The following PANK1 variants were observed in gnomAD, a reference collection of about 807,000 sequenced individuals.
PANK1 encodes the protein pantothenic acid kinase 1.
PANK1 carries 18 observed loss-of-function variants against 40.1 expected under a neutral mutation model. The ratio of observed to expected loss-of-function variants is 0.45; its 90% CI spans 0.31 to 0.67. The LOEUF is 0.67. Among genes scored for constraint, PANK1 ranks in the 30% least tolerant of loss-of-function variants. PANK1 has a pLI of 0.06. For synonymous variants in PANK1, 242 were observed against 237.7 expected, an observed-to-expected ratio of 1.02 and a Z score of -0.17; for missense variants, 457 against 599.6, an observed-to-expected ratio of 0.76 and a Z score of 2.48.
At chr10:89,586,848 G>T (rs1364194489) in intron 6 of PANK1, among the ~76,000 whole-genome samples, 1 of 152,092 alleles carries the variant, frequency 6.6e-6, no homozygotes, top group African/African-American at 2.4e-5. Context: ...CCAAGTAAGG[G>T]GGCCGGGGTG....
intron 2 of PANK1, among the ~76,000 whole-genome samples, chr10:89,610,207 T>C (rs929529583): frequency 3.3e-5 from 5 of 151,990 alleles, no homozygotes; most frequent in African/African-American, 9.7e-5. Flanking sequence ...TCTTTGCAGA[T>C]GACAAAATGA....
At position 89,612,057 on chromosome 10, in the gene PANK1, C is replaced by G. The variant is rs770781759; in HGVS notation, c.293-9G>C. 3.1e-6 allele frequency: 5 copies of G among 1,606,298 alleles called. No individual in the cohort carries two copies. The South Asian group carries it at 5.5e-5, about 18-fold the overall frequency. On this transcript the variant is annotated splice_polypyrimidine_tract_variant and intron_variant, in intron 1 of 6. Transcript: ENST00000307534. Reference sequence around the variant, plus strand: ...GCCAAACCATGGGAATGCTAAAGGACAGAAAGAAAGAGTGCTGCTGAATGC... The same window carrying G: ...GCCAAACCATGGGAATGCTAAAGGAGAGAAAGAAAGAGTGCTGCTGAATGC...
At position 89,618,005 on chromosome 10, in the gene PANK1, A is replaced by G. The variant is rs571497768; in HGVS notation, c.293-5957T>C. Among the ~76,000 whole-genome samples the G allele has an allele frequency of 2.3e-4, 35 of 152,340 alleles. 1 individual carries two copies. The South Asian group carries it at 7.0e-3, about 31-fold the overall frequency. On this transcript the variant is annotated intron_variant, in intron 1 of 6. Transcript: ENST00000307534. Reference sequence around the variant, plus strand: ...AGGCTGTTCAGGCTCCAACGCAGGCATATTCTCAGTGTTCACTTTAGATGC... The same window carrying G: ...AGGCTGTTCAGGCTCCAACGCAGGCGTATTCTCAGTGTTCACTTTAGATGC...
chr10:89,600,379 G>A lies in PANK1; in HGVS notation c.646-874C>T, dbSNP rs756342035. 3.9e-5 allele frequency among the ~76,000 whole-genome samples: 6 copies of A among 152,216 alleles called. No homozygotes were observed. In the East Asian group the frequency reaches 1.2e-3, roughly 29 times the overall value. On this transcript the variant is annotated intron_variant, in intron 2 of 6. Coordinates refer to ENST00000307534, the MANE Select transcript of PANK1 (RefSeq NM_148977.3). ...TCCCCTTTTTCCAGGCTTGGGCTCTGTAGTTAGATCTGGCTTTGAATTCTA... is the reference window on the plus strand; with the variant it reads ...TCCCCTTTTTCCAGGCTTGGGCTCTATAGTTAGATCTGGCTTTGAATTCTA...
chr10:89,632,660 T>C (rs756039839), intron 1 of PANK1, among the ~76,000 whole-genome samples: 1 of 152,228 alleles, frequency 6.6e-6, no homozygotes, highest in Non-Finnish European at 1.5e-5. Flanking sequence ...TACATATCCA[T>C]ACACATAAAA....
At chr10:89,633,532 A>AT (rs5786877) in intron 1 of PANK1, among the ~76,000 whole-genome samples, 32,465 of 150,384 alleles carry the variant, frequency 0.22, 3,649 homozygotes, top group South Asian at 0.3. Flanking sequence ...CAGCCCTTTA[A>AT]TTTTTTTTTT....
chr10:89,589,649 G>T (rs941719384), intron 5 of PANK1, among the ~76,000 whole-genome samples: 1 of 151,928 alleles, frequency 6.6e-6, no homozygotes, highest in Non-Finnish European at 1.5e-5. Flanking sequence ...GAGTAATCAG[G>T]GTCTGGGAAC....
intron 5 of PANK1, among the ~76,000 whole-genome samples, chr10:89,591,257 T>TA (rs984959679): frequency 9.9e-5 from 15 of 151,572 alleles, no homozygotes; most frequent in African/African-American, 2.9e-4. Flanking sequence ...AAAAAAACCC[T>TA]AAAAAAAATG....
At position 89,611,969 on chromosome 10, in the gene PANK1, T is replaced by C; in HGVS notation, c.372A>G (p.Glu124=). 1 of 1,614,214 alleles carries C rather than the reference T, an allele frequency of 6.2e-7. No individual in the cohort carries two copies. The highest frequency in any genetic ancestry group is 8.5e-7 in the Non-Finnish European group (1 of 1,180,036). The stretch of plus-strand genomic sequence containing the variant: ...GGTTCTCCACTTCCTCTTGCTCCTC[T>C]TCGGCTGTAATATCCTTCGGCTCGA... ...VYFEPKDITA[E]EEQEEVENLK... The change falls in exon 2 of 7, where the codon GAA becomes GAG. Residue 124 remains glutamate, a synonymous_variant. Coordinates refer to ENST00000307534, the MANE Select transcript of PANK1 (RefSeq NM_148977.3).
chr10:89,588,766 T>C lies in PANK1; in HGVS notation c.1212A>G (p.Arg404=), dbSNP rs1844280199. The C allele has an allele frequency of 1.3e-6, 2 of 1,589,870 alleles. No homozygotes were observed. The highest frequency in any genetic ancestry group is 1.4e-5 in the African/African-American group (1 of 73,676). Residue 404 remains arginine (R), a synonymous_variant, in exon 6 of 7, where the codon AGA becomes AGG. Transcript: ENST00000307534. ...TGAGAAAATTTCCAACAAACACAAC[T>C]CTGTCTATGTTCTGGAAAAAATATT... The part of the protein sequence containing the change: ...RMCALNENID[R]VVFVGNFLRI...
At chr10:89,608,277 C>G (rs956274294) in intron 2 of PANK1, among the ~76,000 whole-genome samples, 1 of 152,030 alleles carries the variant, frequency 6.6e-6, no homozygotes, top group African/African-American at 2.4e-5. Flanking sequence ...GTGATCCACC[C>G]ACCTCGGCCC....
At chr10:89,597,926 T>C (rs1437376455) in intron 3 of PANK1, among the ~76,000 whole-genome samples, 1 of 152,224 alleles carries the variant, frequency 6.6e-6, no homozygotes, top group Non-Finnish European at 1.5e-5. Context: ...AATGAGAAAA[T>C]GTATACTTGG....
At chr10:89,633,352 T>G (rs1177109270) in intron 1 of PANK1, among the ~76,000 whole-genome samples, 1 of 152,240 alleles carries the variant, frequency 6.6e-6, no homozygotes, top group African/African-American at 2.4e-5. Context: ...AAAGTGTTAA[T>G]GAAATATTAC....
chr10:89,624,265 C>G (rs979626230), intron 1 of PANK1, among the ~76,000 whole-genome samples: 1 of 152,132 alleles, frequency 6.6e-6, no homozygotes, highest in Non-Finnish European at 1.5e-5. Context: ...TGGCTAGGAC[C>G]TGCCATACTT....
In PANK1 at chr10:89,641,769, AAATAAAAT is replaced by A. The variant is rs1220666994; in HGVS notation, c.292+2823_292+2830del. 2.2e-4 allele frequency among the ~76,000 whole-genome samples: 15 copies of A among 68,196 alleles called. No homozygotes were observed. In the Middle Eastern group the frequency reaches 0.017, roughly 78 times the overall value. The allele number at this position is 68,196 out of a possible 152,430, so 44.7% of individuals were successfully genotyped here. A position where few individuals can be genotyped will look rare whatever the true frequency, so the allele number is the denominator to read the frequency against. ...TAAATAAATAAATAAATAAATAAAT[AAATAAAAT>A]AAAAAAAAATCAGCACAAGGCAAAA... is the stretch of plus-strand genomic sequence containing the variant. On this transcript the variant is annotated intron_variant, in intron 1 of 6. Coordinates refer to ENST00000307534, the MANE Select transcript of PANK1 (RefSeq NM_148977.3).
At chr10:89,617,087 G>A (rs1845342417) in intron 1 of PANK1, among the ~76,000 whole-genome samples, 1 of 152,214 alleles carries the variant, frequency 6.6e-6, no homozygotes, top group Non-Finnish European at 1.5e-5. Flanking sequence ...AAGCATTCCA[G>A]GTAACCCACA....
intron 5 of PANK1, chr10:89,592,952 T>C: frequency 1.8e-6 from 1 of 545,700 alleles, no homozygotes. Flanking sequence ...ACATGGGTTG[T>C]AATTGTATCC....
At chr10:89,635,258 T>C (rs1399979207) in intron 1 of PANK1, among the ~76,000 whole-genome samples, 1 of 152,072 alleles carries the variant, frequency 6.6e-6, no homozygotes, top group Non-Finnish European at 1.5e-5. Flanking sequence ...TAATTTGTAA[T>C]GAACAGAAAT....
At chr10:89,607,228 A>G (rs940094632) in intron 2 of PANK1, among the ~76,000 whole-genome samples, 5 of 152,248 alleles carry the variant, frequency 3.3e-5, no homozygotes, top group African/African-American at 1.2e-4. Context: ...CAACAGTAGT[A>G]CTATTAATTG....
Sources: allele counts gnomAD v4.1 joint callset (sites outside exome capture counted in the v4.1 genomes callset), GRCh38; gene constraint gnomAD v4.1.1; transcripts MANE v1.5; gene names NCBI Gene and HGNC (gene_info 2026-07-23, HGNC 2026-07-21).